The following GALNT13 variants were observed in gnomAD, a reference collection of about 807,000 sequenced individuals.
The protein encoded by GALNT13 is polypeptide N-acetylgalactosaminyltransferase 13, also known as UDP-GalNAc:polypeptide N-acetylgalactosaminyltransferase 13.
GALNT13 carries 28 observed loss-of-function variants against 64.2 expected under a neutral mutation model. The observed-to-expected ratio is 0.44, with a 90% confidence interval of 0.32 to 0.60. The LOEUF is 0.60. GALNT13 is among the 20% of genes least tolerant of loss of function. The probability of loss-of-function intolerance (pLI) is 0.05; values close to 1 mark genes in which losing one functional copy is unlikely to be tolerated. For synonymous variants in GALNT13, 214 were observed against 224.6 expected (o/e 0.95, Z 0.42); for missense variants, 577 against 669.8 (o/e 0.86, Z 1.53).
the GALNT13 span, among the ~76,000 whole-genome samples, chr2:153,532,132 C>G: frequency 2.6e-5 from 4 of 152,128 alleles, no homozygotes; most frequent in Non-Finnish European, 5.9e-5. Context: ...CACCGCACTT[C>G]CCTAGTAGAG....
the GALNT13 span, among the ~76,000 whole-genome samples, chr2:153,380,409 C>T: frequency 6.6e-6 from 1 of 152,092 alleles, no homozygotes; most frequent in Non-Finnish European, 1.5e-5. Flanking sequence ...GAATTTGAGA[C>T]TACAGTGAGC....
chr2:154,447,216 T>C (rs1009316446), intron 12 of GALNT13, among the ~76,000 whole-genome samples: 1 of 152,004 alleles, frequency 6.6e-6, no homozygotes, highest in African/African-American at 2.4e-5. Flanking sequence ...TTTGGTTAAA[T>C]GCAAATATGG....
chr2:153,327,199 G>C, the GALNT13 span, among the ~76,000 whole-genome samples: 2 of 152,268 alleles, frequency 1.3e-5, no homozygotes, highest in Admixed American at 6.5e-5. Flanking sequence ...TCCCTCTGTG[G>C]GTAACCCTAT....
chr2:153,758,023 T>C, the GALNT13 span, among the ~76,000 whole-genome samples: 1 of 152,188 alleles, frequency 6.6e-6, no homozygotes, highest in South Asian at 2.1e-4. Flanking sequence ...TTTTGTTCCC[T>C]GAGCTATCAT....
intron 4 of GALNT13, among the ~76,000 whole-genome samples, chr2:154,142,415 G>A (rs898954174): frequency 6.6e-6 from 1 of 151,786 alleles, no homozygotes; most frequent in Admixed American, 6.6e-5. Context: ...CAGGCGTGGT[G>A]TTGCATGCCT....
intron 11 of GALNT13, among the ~76,000 whole-genome samples, chr2:154,431,279 A>G (rs1700697668): frequency 6.6e-6 from 1 of 152,136 alleles, no homozygotes; most frequent in African/African-American, 2.4e-5. Flanking sequence ...TTGCTTTCTT[A>G]CTTTGTAACG....
At chr2:153,499,115 T>G in the GALNT13 span, among the ~76,000 whole-genome samples, 1 of 152,160 alleles carries the variant, frequency 6.6e-6, no homozygotes, top group African/African-American at 2.4e-5. Context: ...CCTCCCAAAG[T>G]GCTGAGAATA....
intron 9 of GALNT13, among the ~76,000 whole-genome samples, chr2:154,362,392 C>A (rs552511038): frequency 2.4e-4 from 36 of 151,894 alleles, no homozygotes; most frequent in Non-Finnish European, 4.7e-4. Flanking sequence ...TTGTATATTT[C>A]ATCTCTCTCT....
Position 153,873,891 on chromosome 2 carries a change from G to C in GALNT13, c.-177+1588G>C, listed in dbSNP as rs150408849. 3.0e-3 allele frequency among the ~76,000 whole-genome samples: 450 copies of C among 150,556 alleles called. 3 individuals are homozygous for C. The highest frequency in any genetic ancestry group is 0.01 in the African/African-American group (422 of 40,932). On this transcript the variant is annotated intron_variant, in intron 1 of 12. Transcript: ENST00000392825. ...CTCCCTGTCTCTCTCTCTCTGTCTC[G>C]TTTGCGTTCATGCCCTCTAGTGTTA...
the GALNT13 span, among the ~76,000 whole-genome samples, chr2:153,460,396 C>T: frequency 6.6e-6 from 1 of 152,044 alleles, no homozygotes; most frequent in Non-Finnish European, 1.5e-5. Context: ...CTCATTTTAT[C>T]TGCTATATAA....
At chr2:153,780,757 C>T in the GALNT13 span, among the ~76,000 whole-genome samples, 1 of 152,084 alleles carries the variant, frequency 6.6e-6, no homozygotes, top group Non-Finnish European at 1.5e-5. Context: ...CTACTTTCCA[C>T]TCAAATTTGA....
At chr2:153,788,338 C>T in the GALNT13 span, among the ~76,000 whole-genome samples, 254 of 151,938 alleles carry the variant, frequency 1.7e-3, no homozygotes, top group Middle Eastern at 3.4e-3. Flanking sequence ...TCATATCCAG[C>T]CAAACTAAAC....
intron 4 of GALNT13, among the ~76,000 whole-genome samples, chr2:154,239,052 C>T (rs1167955565): frequency 1.3e-5 from 2 of 151,996 alleles, no homozygotes; most frequent in East Asian, 3.9e-4. Flanking sequence ...TTTTATGCTA[C>T]ATTAAATAAT....
chr2:154,083,343 C>G (rs1249535629), intron 3 of GALNT13, among the ~76,000 whole-genome samples: 1 of 151,842 alleles, frequency 6.6e-6, no homozygotes, highest in Non-Finnish European at 1.5e-5. Flanking sequence ...AGTCAGGTAG[C>G]ATGGTGCCTC....
chr2:153,168,197 C>A, the GALNT13 span, among the ~76,000 whole-genome samples: 2 of 152,290 alleles, frequency 1.3e-5, no homozygotes, highest in Admixed American at 1.3e-4. Flanking sequence ...AAGGACAGGA[C>A]ATTTTCAGAA....
At chr2:154,375,165 T>C (rs1201315156) in intron 9 of GALNT13, among the ~76,000 whole-genome samples, 7 of 151,966 alleles carry the variant, frequency 4.6e-5, no homozygotes, top group African/African-American at 9.7e-5. Context: ...TTTTTTATAT[T>C]TTTTAGTAGA....
chr2:153,994,739 C>T (rs1193278473), intron 3 of GALNT13, among the ~76,000 whole-genome samples: 1 of 151,460 alleles, frequency 6.6e-6, no homozygotes, highest in Admixed American at 6.6e-5. Flanking sequence ...CTGTTCATAT[C>T]CTTCGCCCAC....
rs550317671 is a variant in GALNT13, at chr2:153,892,064, T to C, written c.-176-8872T>C. 7.9e-5 allele frequency among the ~76,000 whole-genome samples: 12 copies of C among 152,160 alleles called. No homozygotes were observed. The South Asian group carries it at 2.5e-3, about 32-fold the overall frequency. On this transcript the variant is annotated intron_variant, in intron 1 of 12. Coordinates refer to ENST00000392825, the MANE Select transcript of GALNT13 (RefSeq NM_052917.4). The stretch of plus-strand genomic sequence containing the variant: ...CAAGGCAAAATTATTCTATTTTCTG[T>C]GTTCCCATAGAACCTTGTTCCTATT...
At chr2:154,030,555 G>T (rs1698269953) in intron 3 of GALNT13, among the ~76,000 whole-genome samples, 1 of 152,118 alleles carries the variant, frequency 6.6e-6, no homozygotes, top group Non-Finnish European at 1.5e-5. Flanking sequence ...TAATACCAGA[G>T]TTAAACTTGG....
Sources: allele counts gnomAD v4.1 joint callset (sites outside exome capture counted in the v4.1 genomes callset), GRCh38; gene constraint gnomAD v4.1.1; transcripts MANE v1.5; gene names NCBI Gene and HGNC (gene_info 2026-07-23, HGNC 2026-07-21).